TRPV1: variants seen among roughly 807,000 people sequenced by gnomAD.
TRPV1 encodes OTRPC1.
In TRPV1, 82 loss-of-function variants were observed where a neutral mutation model predicts 82.3. The ratio of observed to expected loss-of-function variants is 1.00; its 90% CI spans 0.83 to 1.20. The LOEUF (loss-of-function observed/expected upper bound fraction) is 1.20. TRPV1 is among the 50% of genes most tolerant of loss of function. The pLI, the probability that TRPV1 is intolerant of heterozygous loss-of-function variation, is 0.00. For missense variants in TRPV1, 1,067 were observed against 1,096.8 expected, an observed-to-expected ratio of 0.97 and a Z score of 0.38; for synonymous variants, 515 against 467.7, an observed-to-expected ratio of 1.10 and a Z score of -1.30.
At position 3,566,664 on chromosome 17, in the gene TRPV1, C is replaced by G. The variant is rs1355965765; in HGVS notation, c.*151G>C. 2.1e-6 allele frequency: 2 copies of G among 942,592 alleles called. No homozygotes were observed. The highest frequency in any genetic ancestry group is 1.5e-6 in the Non-Finnish European group (1 of 652,350). The allele number at this position is 942,592 out of a possible 1,614,324, so 58.4% of individuals were successfully genotyped here. On this transcript the variant is annotated 3_prime_UTR_variant, in exon 17 of 17. Coordinates refer to ENST00000572705, the MANE Select transcript of TRPV1 (RefSeq NM_080704.4). ...CTCCCCATGCTTCCAAGAACGCTTC[C>G]CACAGCTTGTCCAGCACAGATTTGG...
chr17:3,590,963 C>G lies in TRPV1; in HGVS notation c.604+1G>C, dbSNP rs1347169422. ...ATGCCCGGCCCCGCCGCCCTCCTCA[C>G]CCTTGTAGTAGCTGTCCGTGTAGCT... is the stretch of plus-strand genomic sequence containing the variant. On this transcript the variant is annotated splice_donor_variant, in intron 5 of 16. Coordinates refer to ENST00000572705, the MANE Select transcript of TRPV1 (RefSeq NM_080704.4). LOFTEE classifies it high-confidence loss of function. 6.2e-7 allele frequency: 1 copy of G among 1,601,470 alleles called. No homozygotes were observed. Among genetic ancestry groups the G allele is most frequent in the Middle Eastern group, 2.0e-4 (1 of 4,984 alleles).
chr17:3,585,780 G>C lies in TRPV1; in HGVS notation c.1371C>G (p.Pro457=), dbSNP rs375761574. ...CCTCTGGCCGCACCAAGCCATCCAC[G>C]GGCCTGTAGTAGGCAGCCATGGTGA... ...IIFTMAAYYR[P]VDGLPPFKME... Residue 457 remains proline (P), a synonymous_variant, in exon 9 of 17, where the codon CCC becomes CCG. Coordinates refer to ENST00000572705, the MANE Select transcript of TRPV1 (RefSeq NM_080704.4). 14 of 1,612,984 alleles carry C rather than the reference G, an allele frequency of 8.7e-6. No homozygotes were observed. Among genetic ancestry groups the C allele is most frequent in the Non-Finnish European group, 1.2e-5 (14 of 1,179,554 alleles).
At chr17:3,592,041 G>T in intron 3 of TRPV1, 26 bp downstream of exon 3, 1 of 1,601,936 alleles carries the variant, frequency 6.2e-7, no homozygotes, top group Non-Finnish European at 8.5e-7. Context: ...TCCCAGCAGG[G>T]AGGGGGGCTC....
intron 13 of TRPV1, among the ~76,000 whole-genome samples, chr17:3,575,980 C>A (rs556532598): frequency 1.3e-5 from 2 of 152,128 alleles, no homozygotes; most frequent in African/African-American, 4.8e-5. Context: ...CATCCTAGCA[C>A]TTTGGGAGCC....
In TRPV1 at chr17:3,566,724, G is replaced by T; in HGVS notation, c.*91C>A. On this transcript the variant is annotated 3_prime_UTR_variant, in exon 17 of 17. Coordinates refer to ENST00000572705, the MANE Select transcript of TRPV1 (RefSeq NM_080704.4). ...GGGCAGGCACAGACCAGGCCAGGCT[G>T]CTGACAGAGCACTGGTGTTCCCTCA... is the stretch of plus-strand genomic sequence containing the variant. 6.7e-7 allele frequency: 1 copy of T among 1,486,762 alleles called. No individual in the cohort carries two copies. The highest frequency in any genetic ancestry group is 9.1e-7 in the Non-Finnish European group (1 of 1,097,770). The allele number at this position is 1,486,762 out of a possible 1,614,324, so 92.1% of individuals were successfully genotyped here.
At chr17:3,592,423 G>T in intron 2 of TRPV1, 40 bp from the exon 3 acceptor site, 1 of 1,498,610 alleles carries the variant, frequency 6.7e-7, no homozygotes, top group Non-Finnish European at 8.9e-7. Context: ...CCCAAAGTAA[G>T]GACTGCTTGT....
chr17:3,571,734 C>G (rs1028167570), intron 15 of TRPV1, 95 bp from the exon 16 acceptor site: 13 of 963,392 alleles, frequency 1.3e-5, no homozygotes, highest in Non-Finnish European at 2.1e-5. Flanking sequence ...ACCCACCCAT[C>G]AGGATGGAGA....
intron 16 of TRPV1, among the ~76,000 whole-genome samples, chr17:3,568,883 A>G (rs2074810594): frequency 6.6e-6 from 1 of 152,216 alleles, no homozygotes; most frequent in Admixed American, 6.5e-5. Flanking sequence ...CTCTACTAAA[A>G]ATACAAAAAT....
rs1181255617 is a variant in TRPV1 at position 3,609,329 on chromosome 17, G to GAC, written c.-194_-193insGT. ...CATACCTGTCATGGATACTGAGAGA[G>GAC]AGAGAGAGAGAGAGAGAGAGAATAC... On this transcript the variant is annotated 5_prime_UTR_variant, in exon 1 of 17. Transcript: ENST00000572705. 3.3e-5 allele frequency: 5 copies of GAC among 150,096 alleles called. No individual in the cohort carries two copies. Among genetic ancestry groups the GAC allele is most frequent in the African/African-American group, 1.2e-4 (5 of 41,160 alleles). The allele number at this position is 150,096 out of a possible 1,614,324, so 9.3% of individuals were successfully genotyped here.
At chr17:3,586,001 C>A in intron 8 of TRPV1, 75 bp from the exon 9 acceptor site, 3 of 1,566,494 alleles carry the variant, frequency 1.9e-6, no homozygotes, top group Admixed American at 1.7e-5. Flanking sequence ...GCCCGTGGTG[C>A]CCCTCACAGC....
intron 2 of TRPV1, among the ~76,000 whole-genome samples, chr17:3,598,192 G>A (rs544797104): frequency 1.5e-4 from 23 of 152,314 alleles, no homozygotes; most frequent in Admixed American, 3.9e-4. Context: ...AGCTGCCTGC[G>A]GGACGCCAAC....
intron 10 of TRPV1, among the ~76,000 whole-genome samples, chr17:3,581,586 G>A (rs995703926): frequency 1.3e-5 from 2 of 152,136 alleles, no homozygotes; most frequent in Non-Finnish European, 2.9e-5. Flanking sequence ...AAGACTAGGG[G>A]ATAAAAATCA....
intron 16 of TRPV1, among the ~76,000 whole-genome samples, chr17:3,567,748 C>G (rs1021137331): frequency 2.0e-5 from 3 of 151,302 alleles, no homozygotes; most frequent in Admixed American, 6.6e-5. Flanking sequence ...TGGGTGACAG[C>G]CTGGGCGACA....
At chr17:3,568,393 C>T (rs1444240605) in intron 16 of TRPV1, among the ~76,000 whole-genome samples, 1 of 151,896 alleles carries the variant, frequency 6.6e-6, no homozygotes, top group Non-Finnish European at 1.5e-5. Context: ...CAATAGCTCT[C>T]TGGCAAAGTT....
rs151308249 is a variant in TRPV1 at position 3,588,907 on chromosome 17, C to T, written c.1045-540G>A. 3,385 of 1,535,702 alleles carry T rather than the reference C, an allele frequency of 2.2e-3. 24 individuals are homozygous for T. In the East Asian group the frequency reaches 0.026, roughly 12 times the overall value. On this transcript the variant is annotated intron_variant, in intron 7 of 16. Transcript: ENST00000572705. ...TATCAGGCCCACAATCCCCTCACGG[C>T]GAGGCCCCAGCTCTACCATCTCACC... is the stretch of plus-strand genomic sequence containing the variant.
At chr17:3,587,454 AC>A (rs1433651006) in intron 8 of TRPV1, among the ~76,000 whole-genome samples, 6 of 152,320 alleles carry the variant, frequency 3.9e-5, no homozygotes, top group Admixed American at 3.9e-4. Flanking sequence ...TGGATTACTC[AC>A]TACGTAACAC....
In TRPV1 at chr17:3,573,650, T is replaced by C; in HGVS notation, c.2086A>G (p.Asn696Asp). The stretch of plus-strand genomic sequence containing the variant: ...CCACCCACCTGCAGCTTCCAGATGT[T>C]CTTGCTCTCCTGTGCGATCTTGTTG... ...TVNKIAQESKNIWKLQRAITI... is the reference protein window; with the variant it reads ...TVNKIAQESKDIWKLQRAITI... The change falls in exon 14 of 17, where the codon AAC (asparagine) becomes GAC (aspartate). Residue 696 changes from asparagine to aspartate, a missense_variant. By Grantham distance (23) the Asn-to-Asp change is conservative. Coordinates refer to ENST00000572705, the MANE Select transcript of TRPV1 (RefSeq NM_080704.4). The C allele has an allele frequency of 6.2e-7, 1 of 1,612,960 alleles. No homozygotes were observed. Among genetic ancestry groups the C allele is most frequent in the South Asian group, 1.1e-5 (1 of 90,978 alleles).
At position 3,590,256 on chromosome 17, in the gene TRPV1, G is replaced by A. The variant is rs774247046; in HGVS notation, c.741C>T (p.Tyr247=). Residue 247 remains tyrosine, a synonymous_variant, in exon 6 of 17, where the codon TAC becomes TAT. Transcript: ENST00000572705. ...FKKTKGRPGF[Y]FGELPLSLAA... is the part of the protein sequence containing the mutation. Reference sequence around the variant, plus strand: ...TCTGCCACACTGTCTCCCTACCGAAGTAGAATCCAGGCCGCCCTTTGGTTT... The same window carrying A: ...TCTGCCACACTGTCTCCCTACCGAAATAGAATCCAGGCCGCCCTTTGGTTT... 6.2e-6 allele frequency: 10 copies of A among 1,613,874 alleles called. No individual in the cohort carries two copies. The highest frequency in any genetic ancestry group is 4.4e-5 in the South Asian group (4 of 91,084).
At chr17:3,579,788 C>T (rs1316598117) in intron 11 of TRPV1, among the ~76,000 whole-genome samples, 1 of 152,152 alleles carries the variant, frequency 6.6e-6, no homozygotes, top group Non-Finnish European at 1.5e-5. Context: ...CCAAACTGTT[C>T]TATAACTGTG....
Sources: allele counts gnomAD v4.1 joint callset (sites outside exome capture counted in the v4.1 genomes callset), GRCh38; gene constraint gnomAD v4.1.1; transcripts MANE v1.5; gene names NCBI Gene and HGNC (gene_info 2026-07-23, HGNC 2026-07-21).